Variants in GRM5 observed in about 807,000 individuals in gnomAD.
The protein encoded by GRM5 is metabotropic glutamate receptor 5.
A neutral mutation model predicts 83.1 loss-of-function variants in GRM5; 19 were observed. The ratio of observed to expected loss-of-function variants is 0.23; its 90% CI spans 0.16 to 0.34. The LOEUF (loss-of-function observed/expected upper bound fraction) is 0.34, where lower values mean the gene tolerates loss of function less well. Among genes scored for constraint, GRM5 ranks in the 10% least tolerant of loss-of-function variants. GRM5 has a pLI of 1.00. For missense variants in GRM5, 1,160 were observed against 1,588.3 expected, an observed-to-expected ratio of 0.73 and a Z score of 4.58; for synonymous variants, 675 against 633.6, an observed-to-expected ratio of 1.07 and a Z score of -0.98.
At chr11:88,665,758 T>C (rs1267648049) in intron 3 of GRM5, among the ~76,000 whole-genome samples, 1 of 150,942 alleles carries the variant, frequency 6.6e-6, no homozygotes, top group Non-Finnish European at 1.5e-5. Flanking sequence ...AGCCCTCCTC[T>C]GAAGACAACT....
At chr11:89,060,661 A>C (rs1941973326) in intron 1 of GRM5, among the ~76,000 whole-genome samples, 1 of 152,154 alleles carries the variant, frequency 6.6e-6, no homozygotes, top group Admixed American at 6.5e-5. Context: ...AGTTATATAT[A>C]GTTAAAAGAT....
chr11:88,582,734 A>G (rs531046796), intron 7 of GRM5, among the ~76,000 whole-genome samples: 2 of 152,358 alleles, frequency 1.3e-5, no homozygotes, highest in East Asian at 1.9e-4. Context: ...TAATTATAAT[A>G]GTCAAATAAC....
At chr11:88,525,513 TG>T in intron 8 of GRM5, 109 bp from the exon 9 acceptor site, 1 of 687,436 alleles carries the variant, frequency 1.5e-6, no homozygotes, top group South Asian at 1.8e-5. Context: ...TGTGCCAAAA[TG>T]GGGGTTCCTG....
chr11:88,557,095 T>C (rs916025455), intron 8 of GRM5, among the ~76,000 whole-genome samples: 9 of 152,132 alleles, frequency 5.9e-5, no homozygotes, highest in African/African-American at 1.9e-4. Flanking sequence ...TACATAGACC[T>C]GCGTTTGAAT....
At position 88,720,821 on chromosome 11, in the gene GRM5, C is replaced by CGTGTGTGTGTGTGT. The variant is rs869078157; in HGVS notation, c.912-67432_912-67419dup. Among the ~76,000 whole-genome samples, 112 of 137,258 alleles carry CGTGTGTGTGTGTGT rather than the reference C, an allele frequency of 8.2e-4. 2 individuals are homozygous for CGTGTGTGTGTGTGT. The highest frequency in any genetic ancestry group is 2.2e-3 in the Admixed American group (31 of 14,102). The allele number at this position is 137,258 out of a possible 152,430, so 90.0% of individuals were successfully genotyped here. The stretch of plus-strand genomic sequence containing the variant: ...CTGTGTGTGTGTGTGTGTGTGTGTG[C>CGTGTGTGTGTGTGT]GTGTGTGTGTGTGTGTGTGTGTGCC... On this transcript the variant is annotated intron_variant, in intron 3 of 9. Transcript: ENST00000305447.
chr11:88,771,926 T>C (rs1202741400), intron 3 of GRM5, among the ~76,000 whole-genome samples: 2 of 152,148 alleles, frequency 1.3e-5, no homozygotes, highest in African/African-American at 4.8e-5. Flanking sequence ...TTTTGTCTTT[T>C]TGAGAATGTC....
intron 3 of GRM5, among the ~76,000 whole-genome samples, chr11:88,805,878 AT>A (rs960028756): frequency 1.3e-5 from 2 of 151,806 alleles, no homozygotes; most frequent in African/African-American, 4.8e-5. Context: ...TCTTCCCTTT[AT>A]TTTTTTCCTT....
intron 3 of GRM5, among the ~76,000 whole-genome samples, chr11:88,845,723 G>GCGCCC (rs1354224319): frequency 6.6e-5 from 6 of 91,282 alleles, no homozygotes; most frequent in African/African-American, 2.7e-4. Flanking sequence ...ATGAACCACC[G>GCGCCC]CGCCCCCCCC....
intron 2 of GRM5, among the ~76,000 whole-genome samples, chr11:88,954,500 G>A: frequency 6.6e-6 from 1 of 152,260 alleles, no homozygotes; most frequent in South Asian, 2.1e-4. Flanking sequence ...TAACAATTTA[G>A]TAATATAATC....
chr11:88,695,666 G>A (rs917887652), intron 3 of GRM5, among the ~76,000 whole-genome samples: 4 of 152,166 alleles, frequency 2.6e-5, no homozygotes, highest in Non-Finnish European at 5.9e-5. Context: ...GGTCCTGAAA[G>A]GATATTTGTA....
At chr11:88,714,504 C>T (rs1190334984) in intron 3 of GRM5, among the ~76,000 whole-genome samples, 1 of 151,940 alleles carries the variant, frequency 6.6e-6, no homozygotes, top group Non-Finnish European at 1.5e-5. Context: ...AAACCTAAAG[C>T]ATATATCATA....
chr11:88,643,257 AG>A (rs1939345990), intron 4 of GRM5, among the ~76,000 whole-genome samples: 1 of 90,140 alleles, frequency 1.1e-5, no homozygotes, highest in Non-Finnish European at 2.7e-5. Flanking sequence ...AGTAGGGTAG[AG>A]GTATGGTGCC....
At chr11:88,862,081 A>G (rs1165530002) in intron 2 of GRM5, among the ~76,000 whole-genome samples, 1 of 152,216 alleles carries the variant, frequency 6.6e-6, no homozygotes, top group African/African-American at 2.4e-5. Flanking sequence ...CTCTGCATTC[A>G]TTGTGATATA....
At chr11:88,914,699 C>T (rs1211219191) in intron 2 of GRM5, among the ~76,000 whole-genome samples, 2 of 152,162 alleles carry the variant, frequency 1.3e-5, no homozygotes, top group African/African-American at 2.4e-5. Flanking sequence ...CAGCTTACTA[C>T]AAACAATTTG....
intron 2 of GRM5, among the ~76,000 whole-genome samples, chr11:88,906,609 C>T (rs1358152269): frequency 6.6e-6 from 1 of 151,998 alleles, no homozygotes; most frequent in East Asian, 1.9e-4. Context: ...ACATATATGT[C>T]AAAATATAGG....
At chr11:88,920,616 A>G (rs1945674789) in intron 2 of GRM5, among the ~76,000 whole-genome samples, 1 of 152,230 alleles carries the variant, frequency 6.6e-6, no homozygotes, top group African/African-American at 2.4e-5. Flanking sequence ...AACAGGACGA[A>G]GACACATCAA....
chr11:88,843,712 A>G (rs1438477917), intron 3 of GRM5, among the ~76,000 whole-genome samples: 1 of 152,246 alleles, frequency 6.6e-6, no homozygotes, highest in Non-Finnish European at 1.5e-5. Context: ...ATATAGGCCA[A>G]AAATTAGGCC....
chr11:88,726,242 A>G (rs765330561), intron 3 of GRM5, among the ~76,000 whole-genome samples: 5 of 152,202 alleles, frequency 3.3e-5, no homozygotes. Flanking sequence ...CATGAAGCAT[A>G]GATAAGTATC....
At chr11:88,990,828 A>C (rs1282265943) in intron 2 of GRM5, among the ~76,000 whole-genome samples, 310 of 151,624 alleles carry the variant, frequency 2.0e-3, no homozygotes, top group Admixed American at 6.6e-3. Flanking sequence ...CATGCTAAAA[A>C]CTCTCAATAA....
Sources: gnomAD v4.1 joint callset for allele counts (sites outside exome capture counted in the v4.1 genomes callset) on GRCh38, gnomAD v4.1.1 for gene constraint, MANE v1.5 for transcripts, NCBI Gene and HGNC (gene_info 2026-07-23, HGNC 2026-07-21) for gene names.